DSG1: variants seen among roughly 807,000 people sequenced by gnomAD.
The protein encoded by DSG1 is desmoglein 1.
DSG1 carries 39 observed loss-of-function variants against 97.5 expected under a neutral mutation model. The ratio of observed to expected loss-of-function variants is 0.40; its 90% CI spans 0.31 to 0.52. The LOEUF is 0.52. Among genes scored for constraint, DSG1 ranks in the 20% least tolerant of loss-of-function variants. DSG1 has a pLI of 0.53. For synonymous variants in DSG1, 475 were observed against 443.4 expected (o/e 1.07, Z -0.90); for missense variants, 1,311 against 1,295.4 (o/e 1.01, Z -0.18).
Position 31,358,334 on chromosome 18 carries a change from T to G in DSG1, c.*2988T>G. Among the ~76,000 whole-genome samples the G allele has an allele frequency of 6.6e-6, 1 of 152,132 alleles. No homozygotes were observed. Reference sequence around the variant, plus strand: ...GATATATCTGCTACATATTATTTACTTCTAAGCATGTTGTCTGATGTAATT... The same window carrying G: ...GATATATCTGCTACATATTATTTACGTCTAAGCATGTTGTCTGATGTAATT... On this transcript the variant is annotated 3_prime_UTR_variant, in exon 15 of 15. Coordinates refer to ENST00000257192, the MANE Select transcript of DSG1 (RefSeq NM_001942.4).
chr18:31,318,631 T>A (rs939291845), intron 1 of DSG1, among the ~76,000 whole-genome samples: 53 of 152,150 alleles, frequency 3.5e-4, no homozygotes, highest in African/African-American at 1.2e-3. Context: ...GAAATTCCTA[T>A]CGCTAGTTAG....
intron 4 of DSG1, among the ~76,000 whole-genome samples, chr18:31,328,846 C>T (rs1298881494): frequency 6.6e-6 from 1 of 152,154 alleles, no homozygotes; most frequent in Admixed American, 6.6e-5. Flanking sequence ...TCATATTCCT[C>T]AAGCTCACCT....
In DSG1 at chr18:31,358,135, A is replaced by C. The variant is rs1418711639; in HGVS notation, c.*2789A>C. On this transcript the variant is annotated 3_prime_UTR_variant, in exon 15 of 15. Coordinates refer to ENST00000257192, the MANE Select transcript of DSG1 (RefSeq NM_001942.4). ...GCTCTTAACAAAAGGAAAAAGAAAT[A>C]GTAATTTAATACTATGTATGTATGG... 2.0e-5 allele frequency among the ~76,000 whole-genome samples: 3 copies of C among 152,046 alleles called. No homozygotes were observed. Among genetic ancestry groups the C allele is most frequent in the Non-Finnish European group, 4.4e-5 (3 of 67,898 alleles).
intron 12 of DSG1, 62 bp from the exon 13 acceptor site, chr18:31,343,864 G>A: frequency 7.3e-7 from 1 of 1,364,908 alleles, no homozygotes; most frequent in Non-Finnish European, 1.0e-6. Context: ...CCAAATGTAT[G>A]ACTGCAGAAA....
At chr18:31,331,046 A>C (rs530572254) in intron 5 of DSG1, among the ~76,000 whole-genome samples, 1 of 152,194 alleles carries the variant, frequency 6.6e-6, no homozygotes, top group Non-Finnish European at 1.5e-5. Flanking sequence ...ATTCTCCAAT[A>C]ATCTAATAAT....
Position 31,355,569 on chromosome 18 carries a change from A to G in DSG1, c.*223A>G, listed in dbSNP as rs141518302. ...CTTATATTAGGACTAAGGAACTAAA[A>G]CTTGAGGCAGAGTCTTCTTTGTGCC... On this transcript the variant is annotated 3_prime_UTR_variant, in exon 15 of 15. Coordinates refer to ENST00000257192, the MANE Select transcript of DSG1 (RefSeq NM_001942.4). 1.3e-4 allele frequency: 73 copies of G among 565,610 alleles called. 1 individual carries two copies. Among genetic ancestry groups the G allele is most frequent in the Non-Finnish European group, 1.9e-4 (61 of 317,684 alleles). The allele number at this position is 565,610 out of a possible 1,614,324, so 35.0% of individuals were successfully genotyped here.
chr18:31,328,438 T>C, intron 4 of DSG1, 94 bp downstream of exon 4: 1 of 1,343,944 alleles, frequency 7.4e-7, no homozygotes, highest in Non-Finnish European at 1.0e-6. Flanking sequence ...TTCAAGAGTC[T>C]CAATATTTGG....
At position 31,355,064 on chromosome 18, in the gene DSG1, T is replaced by C. The variant is rs770126610; in HGVS notation, c.2868T>C (p.Val956=). 1 of 1,614,150 alleles carries C rather than the reference T, an allele frequency of 6.2e-7. No homozygotes were observed. Among genetic ancestry groups the C allele is most frequent in the South Asian group, 1.1e-5 (1 of 91,068 alleles). The change falls in exon 15 of 15, where the codon GTT becomes GTC. Residue 956 remains valine, a synonymous_variant. Transcript: ENST00000257192. The part of the protein sequence containing the change: ...AHNVIVTERV[V]SGAGVTGISG... ...ATGTCATTGTGACAGAGAGGGTTGTTTCTGGTGCTGGCGTAACTGGAATTA... is the reference window on the plus strand; with the variant it reads ...ATGTCATTGTGACAGAGAGGGTTGTCTCTGGTGCTGGCGTAACTGGAATTA...
At chr18:31,318,749 TG>T (rs1449277870) in intron 1 of DSG1, among the ~76,000 whole-genome samples, 1 of 152,018 alleles carries the variant, frequency 6.6e-6, no homozygotes, top group African/African-American at 2.4e-5. Flanking sequence ...TTTGTGTGTT[TG>T]GTGGTGGAAT....
chr18:31,354,213 G>A, intron 14 of DSG1, 84 bp from the exon 15 acceptor site: 5 of 1,228,632 alleles, frequency 4.1e-6, no homozygotes, highest in Non-Finnish European at 6.0e-6. Flanking sequence ...AAATGCTCTG[G>A]AAGAAAAACT....
At position 31,358,799 on chromosome 18, in the gene DSG1, T is replaced by G. The variant is rs2144133976; in HGVS notation, c.*3453T>G. The stretch of plus-strand genomic sequence containing the variant: ...AATTTCTGGATTTTTAAGACCCATT[T>G]CACATTGCACTAGGATACAGCAGTC... On this transcript the variant is annotated 3_prime_UTR_variant, in exon 15 of 15. Coordinates refer to ENST00000257192, the MANE Select transcript of DSG1 (RefSeq NM_001942.4). 6.6e-6 allele frequency among the ~76,000 whole-genome samples: 1 copy of G among 152,200 alleles called. No homozygotes were observed. Among genetic ancestry groups the G allele is most frequent in the South Asian group, 2.1e-4 (1 of 4,830 alleles).
chr18:31,352,789 C>T lies in DSG1; in HGVS notation c.2101-1508C>T, dbSNP rs1026535539. ...GCTCCTGAGGCTTCTGCATTCTTCACGTAGTTCTCGAGCCTTGGTTTTCAG... is the reference window on the plus strand; with the variant it reads ...GCTCCTGAGGCTTCTGCATTCTTCATGTAGTTCTCGAGCCTTGGTTTTCAG... On this transcript the variant is annotated intron_variant, in intron 14 of 14. Transcript: ENST00000257192. Among the ~76,000 whole-genome samples, 11 of 148,332 alleles carry T rather than the reference C, an allele frequency of 7.4e-5. No homozygotes were observed. The East Asian group carries it at 9.8e-4, about 13-fold the overall frequency.
chr18:31,333,034 T>C (rs2071730246), intron 6 of DSG1, among the ~76,000 whole-genome samples: 1 of 152,120 alleles, frequency 6.6e-6, no homozygotes, highest in Non-Finnish European at 1.5e-5. Flanking sequence ...ACCCCCTAAA[T>C]TATATCCACC....
chr18:31,349,847 T>G (rs2071879091), intron 14 of DSG1, among the ~76,000 whole-genome samples: 3 of 51,742 alleles, frequency 5.8e-5, no homozygotes, highest in Admixed American at 5.1e-4. Context: ...AAGTTGCTTA[T>G]CAGCTTAAGG....
chr18:31,330,042 T>A lies in DSG1; in HGVS notation c.517+6T>A, dbSNP rs1426356619. 6.2e-7 allele frequency: 1 copy of A among 1,612,612 alleles called. No individual in the cohort carries two copies. The highest frequency in any genetic ancestry group is 1.3e-5 in the African/African-American group (1 of 74,868). On this transcript the variant is annotated splice_donor_region_variant and intron_variant, in intron 5 of 14. Coordinates refer to ENST00000257192, the MANE Select transcript of DSG1 (RefSeq NM_001942.4). ...AGAAGAAAATTCTAATGCAAGTAAG[T>A]AATGTAGTGGCTTCCAAATCACTCC...
chr18:31,350,509 T>G (rs2071885851), intron 14 of DSG1, among the ~76,000 whole-genome samples: 1 of 150,992 alleles, frequency 6.6e-6, no homozygotes, highest in Admixed American at 6.6e-5. Flanking sequence ...GATTCTCTCT[T>G]TTTCTATTGA....
chr18:31,340,689 A>G lies in DSG1; in HGVS notation c.1687+664A>G, dbSNP rs185321466. 5.9e-5 allele frequency among the ~76,000 whole-genome samples: 9 copies of G among 152,336 alleles called. No individual in the cohort carries two copies. In the East Asian group the frequency reaches 1.7e-3, roughly 29 times the overall value. On this transcript the variant is annotated intron_variant, in intron 11 of 14. Transcript: ENST00000257192. ...CAAGGGGAAAAAAATCTATGTGCAA[A>G]AACCTAAAAGAATGAGAGTGCAAAG...
chr18:31,321,600 C>T (rs562522504), intron 1 of DSG1, among the ~76,000 whole-genome samples: 63 of 152,254 alleles, frequency 4.1e-4, no homozygotes, highest in African/African-American at 1.5e-3. Context: ...TTTACAGAAA[C>T]AAGGAGTACA....
intron 6 of DSG1, among the ~76,000 whole-genome samples, chr18:31,332,991 G>A (rs1193104136): frequency 3.9e-5 from 6 of 152,144 alleles, no homozygotes; most frequent in Non-Finnish European, 8.8e-5. Flanking sequence ...TCAACCTGGG[G>A]TCAATGGAGA....
Sources: allele counts gnomAD v4.1 joint callset (sites outside exome capture counted in the v4.1 genomes callset), GRCh38; gene constraint gnomAD v4.1.1; transcripts MANE v1.5; gene names NCBI Gene and HGNC (gene_info 2026-07-23, HGNC 2026-07-21).